PIK3C3: variants seen among roughly 807,000 people sequenced by gnomAD.
The protein encoded by PIK3C3 is phosphatidylinositol 3-kinase catalytic subunit type 3.
A neutral mutation model predicts 126.1 loss-of-function variants in PIK3C3; 95 were observed. The ratio of observed to expected loss-of-function variants is 0.75; its 90% CI spans 0.64 to 0.89. The LOEUF is 0.89. Among genes scored for constraint, PIK3C3 ranks in the 40% least tolerant of loss-of-function variants. The probability of loss-of-function intolerance (pLI) is 0.00; values close to 1 mark genes in which losing one functional copy is unlikely to be tolerated. For synonymous variants in PIK3C3, 374 were observed against 360.0 expected (o/e 1.04, Z -0.44); for missense variants, 829 against 1,063.2 (o/e 0.78, Z 3.06).
chr18:42,047,074 T>G (rs563666422), intron 20 of PIK3C3, among the ~76,000 whole-genome samples: 1 of 152,302 alleles, frequency 6.6e-6, no homozygotes, highest in Non-Finnish European at 1.5e-5. Context: ...TATATCCAGT[T>G]ACATGAAAAT....
At chr18:42,045,805 C>A (rs1341535203) in intron 20 of PIK3C3, among the ~76,000 whole-genome samples, 2 of 152,068 alleles carry the variant, frequency 1.3e-5, no homozygotes, top group Admixed American at 1.3e-4. Flanking sequence ...GTTTTATATA[C>A]CCCCAAATAA....
At chr18:41,961,074 C>T in intron 2 of PIK3C3, among the ~76,000 whole-genome samples, 1 of 151,978 alleles carries the variant, frequency 6.6e-6, no homozygotes, top group East Asian at 1.9e-4. Context: ...AGTGCAGTTG[C>T]TTTGATTGAA....
chr18:41,981,714 C>CT (rs1981209578), intron 4 of PIK3C3, among the ~76,000 whole-genome samples: 2 of 151,266 alleles, frequency 1.3e-5, no homozygotes, highest in African/African-American at 4.9e-5. Context: ...AATCCCAGTA[C>CT]TTTGGGAGGC....
At chr18:42,001,239 C>CGATA (rs374479898) in intron 9 of PIK3C3, among the ~76,000 whole-genome samples, 44 of 152,240 alleles carry the variant, frequency 2.9e-4, no homozygotes, top group African/African-American at 1.0e-3. Context: ...AAACTATTTA[C>CGATA]TATAGGATAC....
At chr18:42,079,946 A>AGTGTGTGTGT (rs6146278) in intron 24 of PIK3C3, among the ~76,000 whole-genome samples, 5 of 137,238 alleles carry the variant, frequency 3.6e-5, no homozygotes, top group African/African-American at 5.4e-5. Flanking sequence ...CCAACTTTTG[A>AGTGTGTGTGT]GTGTGTGTGT....
Position 42,015,537 on chromosome 18 carries a change from A to T in PIK3C3, c.1387A>T (p.Lys463Ter). 1 of 1,613,788 alleles carries T rather than the reference A, an allele frequency of 6.2e-7. No individual in the cohort carries two copies. Among genetic ancestry groups the T allele is most frequent in the Non-Finnish European group, 8.5e-7 (1 of 1,179,848 alleles). ...TTCACCTCCTCCTGCATCAAAAACA[A>T]AAGAAGTTCCAGATGGCGAAAATCT... ...VSSPPPASKT[K>*]EVPDGENLEQ... Residue 463 changes from lysine (K) to a stop codon, truncating the protein, a stop_gained, in exon 12 of 25, where the codon AAA becomes TAA. Coordinates refer to ENST00000262039, the MANE Select transcript of PIK3C3 (RefSeq NM_002647.4). LOFTEE classifies it high-confidence loss of function.
At chr18:41,995,852 T>G in intron 7 of PIK3C3, 38 bp from the exon 8 acceptor site, 2 of 1,400,714 alleles carry the variant, frequency 1.4e-6, no homozygotes, top group Non-Finnish European at 1.0e-6. Context: ...TTCCTTTTGG[T>G]GAAGTTTACA....
At chr18:42,061,909 ATT>A (rs879443146) in intron 22 of PIK3C3, among the ~76,000 whole-genome samples, 1 of 146,564 alleles carries the variant, frequency 6.8e-6, no homozygotes, top group African/African-American at 2.5e-5. Flanking sequence ...GTAAAGGCAG[ATT>A]TTTTTTTTTT....
chr18:42,006,468 T>C (rs1364263050), intron 10 of PIK3C3, among the ~76,000 whole-genome samples: 2 of 152,130 alleles, frequency 1.3e-5, no homozygotes, highest in Non-Finnish European at 2.9e-5. Context: ...TCCCCAGAGG[T>C]TGAGAGGGTA....
intron 9 of PIK3C3, among the ~76,000 whole-genome samples, chr18:42,002,043 A>G (rs1982315732): frequency 6.6e-6 from 1 of 152,234 alleles, no homozygotes; most frequent in South Asian, 2.1e-4. Flanking sequence ...TGCAGACTCC[A>G]GTTATAGAGA....
chr18:41,958,752 T>TAC (rs1253164403), intron 2 of PIK3C3, among the ~76,000 whole-genome samples: 1 of 151,952 alleles, frequency 6.6e-6, no homozygotes, highest in Non-Finnish European at 1.5e-5. Flanking sequence ...TATGTAGATA[T>TAC]ACACACACAC....
At position 41,957,551 on chromosome 18, in the gene PIK3C3, G is replaced by A. The variant is rs759476353; in HGVS notation, c.69-19G>A. 54 of 1,599,866 alleles carry A rather than the reference G, an allele frequency of 3.4e-5. No individual in the cohort carries two copies. In the Middle Eastern group the frequency reaches 8.3e-4, roughly 25 times the overall value. On this transcript the variant is annotated intron_variant, in intron 1 of 24. Coordinates refer to ENST00000262039, the MANE Select transcript of PIK3C3 (RefSeq NM_002647.4). ...TTAAAAAATTCATGTCTGAAACATT[G>A]TTGGTCTTGTGCTTTCAGAGGAAGC...
rs1986241339 is a variant in PIK3C3, at chr18:42,081,302, GA to G, written c.*166del. ...ATGGTACCTGAGTTCTGCTTCCTTG[GA>G]TGTCATTGCTTAAATATAGTCTTGA... On this transcript the variant is annotated 3_prime_UTR_variant, in exon 25 of 25. Transcript: ENST00000262039. The G allele has an allele frequency of 6.1e-6, 3 of 489,966 alleles. No homozygotes were observed. Among genetic ancestry groups the G allele is most frequent in the Non-Finnish European group, 1.1e-5 (3 of 269,510 alleles). The allele number at this position is 489,966 out of a possible 1,614,324, so 30.4% of individuals were successfully genotyped here.
At chr18:42,053,511 TATTGA>T (rs1339211412) in intron 21 of PIK3C3, among the ~76,000 whole-genome samples, 1 of 152,194 alleles carries the variant, frequency 6.6e-6, no homozygotes, top group Non-Finnish European at 1.5e-5. Context: ...AGTGCATTAC[TATTGA>T]ATTCTTTTTT....
chr18:42,057,810 A>G (rs1395170729), intron 21 of PIK3C3, 73 bp from the exon 22 acceptor site: 7 of 1,295,954 alleles, frequency 5.4e-6, no homozygotes, highest in East Asian at 4.7e-5. Flanking sequence ...GTTTATATCA[A>G]TTGTGTGACA....
At chr18:42,036,511 C>T (rs1984058226) in intron 16 of PIK3C3, among the ~76,000 whole-genome samples, 1 of 151,784 alleles carries the variant, frequency 6.6e-6, no homozygotes, top group South Asian at 2.1e-4. Context: ...AATGACCAAA[C>T]TCAATAGGGT....
In PIK3C3 at chr18:42,085,182, G is replaced by A. The variant is rs1986373902; in HGVS notation, c.*4045G>A. 1.3e-5 allele frequency: 2 copies of A among 152,212 alleles called. No homozygotes were observed. The highest frequency in any genetic ancestry group is 4.8e-5 in the African/African-American group (2 of 41,546). The allele number at this position is 152,212 out of a possible 1,614,324, so 9.4% of individuals were successfully genotyped here. On this transcript the variant is annotated 3_prime_UTR_variant, in exon 25 of 25. Coordinates refer to ENST00000262039, the MANE Select transcript of PIK3C3 (RefSeq NM_002647.4). ...AGGTACAATGTAAATACTGGTAAGT[G>A]AAAGTTCATTTTGTTCAGTGCTATG...
chr18:42,040,698 C>A lies in PIK3C3; in HGVS notation c.2060C>A (p.Ser687Ter). The stretch of plus-strand genomic sequence containing the variant: ...GTAGGCTTCATGCAGTTTATCCAGT[C>A]AGTTCCTGTGGCTGAAGTTCTTGAT... ...TKHGFMQFIQ[S>*]VPVAEVLDTE... The change falls in exon 19 of 25, where the codon TCA becomes TAA. Residue 687 changes from serine to a stop codon, truncating the protein, a stop_gained. Coordinates refer to ENST00000262039, the MANE Select transcript of PIK3C3 (RefSeq NM_002647.4). LOFTEE classifies it high-confidence loss of function. The A allele has an allele frequency of 6.2e-7, 1 of 1,611,096 alleles. No homozygotes were observed. The highest frequency in any genetic ancestry group is 1.1e-5 in the South Asian group (1 of 90,848).
Position 42,029,215 on chromosome 18 carries a change from AT to A in PIK3C3, c.1591-107del. The A allele has an allele frequency of 2.2e-5, 15 of 693,488 alleles. No homozygotes were observed. In the South Asian group the frequency reaches 2.5e-4, roughly 11 times the overall value. 43.0% of individuals were successfully genotyped at this position (693,488 alleles called of 1,614,324 possible). ...ATAATCTTTTTCAGTTTTGCTTTCT[AT>A]TTAAGTTTATAACTGTGAGAAATAT... On this transcript the variant is annotated intron_variant, in intron 14 of 24. Coordinates refer to ENST00000262039, the MANE Select transcript of PIK3C3 (RefSeq NM_002647.4).
Sources: gnomAD v4.1 joint callset for allele counts (sites outside exome capture counted in the v4.1 genomes callset) on GRCh38, gnomAD v4.1.1 for gene constraint, MANE v1.5 for transcripts, NCBI Gene and HGNC (gene_info 2026-07-23, HGNC 2026-07-21) for gene names.